Variants in BPIFB2 observed in about 807,000 individuals in gnomAD.
BPIFB2 encodes the protein BPI fold-containing family B member 2.
In BPIFB2, 39 loss-of-function variants were observed where a neutral mutation model predicts 50.1. That is an observed-to-expected ratio of 0.78 (90% confidence interval 0.60 to 1.02). The LOEUF (loss-of-function observed/expected upper bound fraction) is 1.02. BPIFB2 is among the 50% of genes least tolerant of loss of function. The pLI is 0.00. For synonymous variants in BPIFB2, 280 were observed against 256.3 expected (o/e 1.09, Z -0.88); for missense variants, 574 against 585.8 (o/e 0.98, Z 0.21).
At position 33,023,627 on chromosome 20, in the gene BPIFB2, C is replaced by G; in HGVS notation, c.*244C>G. 1 of 599,352 alleles carries G rather than the reference C, an allele frequency of 1.7e-6. No individual in the cohort carries two copies. Among genetic ancestry groups the G allele is most frequent in the Non-Finnish European group, 3.0e-6 (1 of 334,242 alleles). 37.1% of individuals were successfully genotyped at this position (599,352 alleles called of 1,614,324 possible). A position where few individuals can be genotyped will look rare whatever the true frequency, so the allele number is the denominator to read the frequency against. On this transcript the variant is annotated 3_prime_UTR_variant, in exon 16 of 16. Transcript: ENST00000170150. ...CTCCCCCCTCCTTCCTCTGCCCCAC[C>G]CCAGCGGGGAGCAGACTGCTCCTCC...
chr20:33,020,636 C>A, intron 13 of BPIFB2, 49 bp downstream of exon 13: 2 of 1,524,888 alleles, frequency 1.3e-6, no homozygotes, highest in South Asian at 2.5e-5. Flanking sequence ...GGGTAGGGCA[C>A]ACCTTGAGCC....
At chr20:33,008,766 C>G (rs1254087535) in intron 2 of BPIFB2, 83 bp downstream of exon 2, 13 of 1,205,176 alleles carry the variant, frequency 1.1e-5, no homozygotes, top group Non-Finnish European at 1.5e-5. Flanking sequence ...GCTGTGAACT[C>G]AAAAGGCCCA....
intron 3 of BPIFB2, 152 bp downstream of exon 3, chr20:33,011,269 G>A (rs898591992): frequency 4.4e-6 from 3 of 687,784 alleles, no homozygotes; most frequent in Admixed American, 2.5e-5. Context: ...TCCACCAGAT[G>A]AGCACTCTCC....
chr20:33,018,517 G>T, intron 8 of BPIFB2, 120 bp from the exon 9 acceptor site: 1 of 1,336,936 alleles, frequency 7.5e-7, no homozygotes, highest in South Asian at 1.4e-5. Flanking sequence ...CTACACATGT[G>T]GCATCTTGCA....
intron 2 of BPIFB2, 125 bp from the exon 3 acceptor site, chr20:33,010,899 G>A: frequency 1.3e-6 from 1 of 797,862 alleles, no homozygotes; most frequent in Non-Finnish European, 2.1e-6. Context: ...TATGCTTGGA[G>A]TAAGCCTACC....
chr20:33,018,356 T>G lies in BPIFB2; in HGVS notation c.669+6T>G. On this transcript the variant is annotated splice_donor_region_variant and intron_variant, in intron 8 of 15. Coordinates refer to ENST00000170150, the MANE Select transcript of BPIFB2 (RefSeq NM_025227.3). Reference sequence around the variant, plus strand: ...ACATTTCCCTGGAAGTCAATGTAAGTGCCTCCTGGCCAGCCCAGAGCTGGG... The same window carrying G: ...ACATTTCCCTGGAAGTCAATGTAAGGGCCTCCTGGCCAGCCCAGAGCTGGG... 1 of 1,608,718 alleles carries G rather than the reference T, an allele frequency of 6.2e-7. No individual in the cohort carries two copies. Among genetic ancestry groups the G allele is most frequent in the Non-Finnish European group, 8.5e-7 (1 of 1,175,190 alleles).
intron 13 of BPIFB2, 151 bp from the exon 14 acceptor site, chr20:33,021,130 A>ATC: frequency 4.8e-6 from 4 of 839,964 alleles, no homozygotes; most frequent in Non-Finnish European, 7.6e-6. Context: ...AACCCAGGAC[A>ATC]TGGGTGATCT....
rs754453365 is a variant in BPIFB2, at chr20:33,016,178, C to T, written c.516+682C>T. 8.6e-5 allele frequency among the ~76,000 whole-genome samples: 13 copies of T among 152,022 alleles called. 1 individual carries two copies. The highest frequency in any genetic ancestry group is 3.9e-4 in the East Asian group (2 of 5,172). On this transcript the variant is annotated intron_variant, in intron 6 of 15. Transcript: ENST00000170150. Reference sequence around the variant, plus strand: ...CTGCTTTAAGGGGCAGTAGTAGAGACGAAGTCAACCTCCTGCATGCCACCC... The same window carrying T: ...CTGCTTTAAGGGGCAGTAGTAGAGATGAAGTCAACCTCCTGCATGCCACCC...
intron 5 of BPIFB2, 107 bp downstream of exon 5, chr20:33,014,063 C>T (rs1990324278): frequency 1.4e-6 from 2 of 1,391,628 alleles, no homozygotes; most frequent in African/African-American, 2.9e-5. Flanking sequence ...ACAAGGGCCT[C>T]AGGGGCCCCC....
chr20:33,016,127 T>G (rs1018013170), intron 6 of BPIFB2, among the ~76,000 whole-genome samples: 3 of 152,038 alleles, frequency 2.0e-5, no homozygotes, highest in African/African-American at 7.2e-5. Context: ...ATTTTCTCTC[T>G]GCCCTATCCC....
intron 5 of BPIFB2, among the ~76,000 whole-genome samples, chr20:33,015,195 G>A (rs951222134): frequency 1.3e-5 from 2 of 152,142 alleles, no homozygotes; most frequent in African/African-American, 2.4e-5. Flanking sequence ...TGTCTCACGC[G>A]CCACATTCTT....
intron 11 of BPIFB2, among the ~76,000 whole-genome samples, 161 bp downstream of exon 11, chr20:33,019,911 C>T (rs1416678088): frequency 6.6e-6 from 1 of 152,216 alleles, no homozygotes; most frequent in Non-Finnish European, 1.5e-5. Context: ...GTGCTGAGCC[C>T]TCGGCCTAGG....
intron 3 of BPIFB2, among the ~76,000 whole-genome samples, chr20:33,011,385 T>C (rs1477938980): frequency 1.3e-5 from 2 of 152,218 alleles, no homozygotes; most frequent in Non-Finnish European, 2.9e-5. Context: ...TTAGTGAATT[T>C]CTGCCCTCAA....
chr20:33,020,483 G>A, intron 12 of BPIFB2, 59 bp from the exon 13 acceptor site: 1 of 1,596,014 alleles, frequency 6.3e-7, no homozygotes, highest in Non-Finnish European at 8.6e-7. Flanking sequence ...TGTTAGCCAG[G>A]GAGCCTGGGC....
At position 33,019,726 on chromosome 20, in the gene BPIFB2, C is replaced by T; in HGVS notation, c.1056C>T (p.Phe352=). The change falls in exon 11 of 16, where the codon TTC becomes TTT. Residue 352 remains phenylalanine (F), a synonymous_variant. Coordinates refer to ENST00000170150, the MANE Select transcript of BPIFB2 (RefSeq NM_025227.3). ...TGGCCACAGCCTCCAACTCGGCTTT[C>T]CAGTCCCTCTTCTCCCTGGATGTGG... ...EVLATASNSA[F]QSLFSLDVVV... 6.2e-7 allele frequency: 1 copy of T among 1,609,862 alleles called. No homozygotes were observed. The highest frequency in any genetic ancestry group is 8.5e-7 in the Non-Finnish European group (1 of 1,177,838).
intron 12 of BPIFB2, 68 bp downstream of exon 12, chr20:33,020,463 T>C (rs1289302410): frequency 3.9e-5 from 63 of 1,598,978 alleles, no homozygotes; most frequent in Non-Finnish European, 5.1e-5. Context: ...ATCACCACCC[T>C]GGGTCACGGT....
chr20:33,015,348 A>T (rs1417829686), intron 5 of BPIFB2, 88 bp from the exon 6 acceptor site: 4 of 1,239,764 alleles, frequency 3.2e-6, no homozygotes, highest in Non-Finnish European at 4.6e-6. Context: ...GAGGATAGAG[A>T]CTTCTCTTCC....
chr20:33,011,541 G>A (rs1034853299), intron 3 of BPIFB2, among the ~76,000 whole-genome samples: 1 of 152,212 alleles, frequency 6.6e-6, no homozygotes, highest in Non-Finnish European at 1.5e-5. Context: ...GGGATGTGGA[G>A]CATCCCAAAC....
rs762816818 is a variant in BPIFB2 at position 33,013,860 on chromosome 20, C to A, written c.359C>A (p.Thr120Asn). ...LTLPVELLAD[T>N]RVTQSSIRTP... ...CTGCCTGTGGAACTGCTGGCTGACA[C>A]CCGCGTGACCCAGAGCTCCATCAGG... Residue 120 changes from threonine (T) to asparagine (N), a missense_variant, in exon 5 of 16, where the codon ACC (threonine) becomes AAC (asparagine). By Grantham distance (65) the Thr-to-Asn change is moderately conservative (BLOSUM62 0). Coordinates refer to ENST00000170150, the MANE Select transcript of BPIFB2 (RefSeq NM_025227.3). 1 of 1,613,758 alleles carries A rather than the reference C, an allele frequency of 6.2e-7. No individual in the cohort carries two copies. Among genetic ancestry groups the A allele is most frequent in the African/African-American group, 1.3e-5 (1 of 75,030 alleles).
Sources: gnomAD v4.1 joint callset for allele counts (sites outside exome capture counted in the v4.1 genomes callset) on GRCh38, gnomAD v4.1.1 for gene constraint, MANE v1.5 for transcripts, NCBI Gene and HGNC (gene_info 2026-07-23, HGNC 2026-07-21) for gene names.